The following ARHGAP42 variants were observed in gnomAD, a reference collection of about 807,000 sequenced individuals.
ARHGAP42 encodes the protein rho GTPase-activating protein 42.
A neutral mutation model predicts 125.0 loss-of-function variants in ARHGAP42; 63 were observed. That is an observed-to-expected ratio of 0.50 (90% CI 0.41 to 0.62). ARHGAP42 has a LOEUF of 0.62. ARHGAP42 is among the 20% of genes least tolerant of loss of function. The probability of loss-of-function intolerance (pLI) is 0.00; values close to 1 mark genes in which losing one functional copy is unlikely to be tolerated. For missense variants in ARHGAP42, 766 were observed against 1,024.2 expected, an observed-to-expected ratio of 0.75 and a Z score of 3.44; for synonymous variants, 339 against 351.0, an observed-to-expected ratio of 0.97 and a Z score of 0.38.
intron 4 of ARHGAP42, among the ~76,000 whole-genome samples, chr11:100,904,762 A>T (rs1203457224): frequency 6.6e-6 from 1 of 152,208 alleles, no homozygotes; most frequent in Non-Finnish European, 1.5e-5. Context: ...TTTAATTTTA[A>T]TTATCTGCTG....
At chr11:100,828,020 CT>C (rs1395457747) in intron 3 of ARHGAP42, among the ~76,000 whole-genome samples, 1 of 152,154 alleles carries the variant, frequency 6.6e-6, no homozygotes, top group African/African-American at 2.4e-5. Flanking sequence ...AGTCTCATCC[CT>C]GAGAGCAGGT....
In ARHGAP42 at chr11:100,771,603, A is replaced by T. The variant is rs1017235588; in HGVS notation, c.250+1165A>T. On this transcript the variant is annotated intron_variant, in intron 2 of 23. Coordinates refer to ENST00000298815, the MANE Select transcript of ARHGAP42 (RefSeq NM_152432.4). ...TTAATGTCTGTAGGAAACATCTGGA[A>T]TTTTTTTTTTTTTGAGACAGAGTCT... Among the ~76,000 whole-genome samples the T allele has an allele frequency of 1.8e-4, 26 of 146,342 alleles. 1 individual carries two copies. Among genetic ancestry groups the T allele is most frequent in the African/African-American group, 6.0e-4 (24 of 40,138 alleles).
chr11:100,868,135 A>G (rs1306138536), intron 4 of ARHGAP42, among the ~76,000 whole-genome samples: 1 of 152,214 alleles, frequency 6.6e-6, no homozygotes, highest in Non-Finnish European at 1.5e-5. Context: ...GAAAGTTGTG[A>G]CACAGAGACA....
chr11:100,907,337 C>T (rs943732821), intron 4 of ARHGAP42, among the ~76,000 whole-genome samples: 1 of 152,072 alleles, frequency 6.6e-6, no homozygotes, highest in African/African-American at 2.4e-5. Context: ...TCTTTCTGTC[C>T]AGTTTGTAGG....
intron 13 of ARHGAP42, 100 bp downstream of exon 13, chr11:100,960,045 T>A: frequency 9.5e-7 from 1 of 1,047,392 alleles, no homozygotes; most frequent in Non-Finnish European, 1.4e-6. Flanking sequence ...ATTTGGTCAT[T>A]AACATGGATT....
At chr11:100,946,809 A>T (rs1180869108) in intron 10 of ARHGAP42, among the ~76,000 whole-genome samples, 3 of 152,082 alleles carry the variant, frequency 2.0e-5, no homozygotes, top group Non-Finnish European at 4.4e-5. Flanking sequence ...CCAAAATGTG[A>T]TACAGAGACA....
chr11:100,807,123 C>T (rs1008204562), intron 3 of ARHGAP42, among the ~76,000 whole-genome samples: 4 of 151,928 alleles, frequency 2.6e-5, no homozygotes, highest in African/African-American at 9.7e-5. Flanking sequence ...CTGGGGATTA[C>T]AGGCATGAGG....
At chr11:100,887,336 T>C (rs1305743557) in intron 4 of ARHGAP42, among the ~76,000 whole-genome samples, 4 of 152,154 alleles carry the variant, frequency 2.6e-5, no homozygotes, top group Non-Finnish European at 5.9e-5. Context: ...TGGTTCTCTA[T>C]AGCTTCCCCT....
intron 3 of ARHGAP42, among the ~76,000 whole-genome samples, chr11:100,824,792 C>G (rs1864478354): frequency 6.6e-6 from 1 of 152,184 alleles, no homozygotes; most frequent in Non-Finnish European, 1.5e-5. Flanking sequence ...AGTTTGACAT[C>G]CAAGTTTTGA....
At chr11:100,960,813 A>T in intron 13 of ARHGAP42, 102 bp from the exon 14 acceptor site, 1 of 620,220 alleles carries the variant, frequency 1.6e-6, no homozygotes, top group Non-Finnish European at 2.6e-6. Context: ...AAATTGGATA[A>T]GTAGCTTTCA....
At chr11:100,898,625 G>A (rs972262912) in intron 4 of ARHGAP42, among the ~76,000 whole-genome samples, 1 of 152,118 alleles carries the variant, frequency 6.6e-6, no homozygotes, top group African/African-American at 2.4e-5. Context: ...TAGTTTATTT[G>A]TGTAGAGGTG....
chr11:100,913,393 G>A, intron 4 of ARHGAP42, 59 bp from the exon 5 acceptor site: 1 of 705,592 alleles, frequency 1.4e-6, no homozygotes, highest in South Asian at 1.9e-5. Context: ...AATGGTGAAA[G>A]TCGGGGTTTT....
chr11:100,704,320 C>A (rs1174949968), intron 1 of ARHGAP42, among the ~76,000 whole-genome samples: 1 of 152,130 alleles, frequency 6.6e-6, no homozygotes, highest in Non-Finnish European at 1.5e-5. Context: ...AATTAGGGAA[C>A]AAGGGACAGG....
intron 4 of ARHGAP42, among the ~76,000 whole-genome samples, chr11:100,905,758 C>T (rs1866714858): frequency 6.6e-6 from 1 of 152,102 alleles, no homozygotes; most frequent in Non-Finnish European, 1.5e-5. Flanking sequence ...GGGTGGTTCA[C>T]TTGAGGCCAG....
rs974558290 is a variant in ARHGAP42 at position 100,795,748 on chromosome 11, A to G, written c.312+582A>G. Among the ~76,000 whole-genome samples, 12 of 152,312 alleles carry G rather than the reference A, an allele frequency of 7.9e-5. 1 individual carries two copies. Among genetic ancestry groups the G allele is most frequent in the Middle Eastern group, 6.8e-3 (2 of 294 alleles). On this transcript the variant is annotated intron_variant, in intron 3 of 23. Transcript: ENST00000298815. ...TGCCCAATGTTTTCAAATATCTGTGATGTTCTCTGTTTATGATGCAATGTC... is the reference window on the plus strand; with the variant it reads ...TGCCCAATGTTTTCAAATATCTGTGGTGTTCTCTGTTTATGATGCAATGTC...
At chr11:100,760,968 G>GCTT (rs775733555) in intron 1 of ARHGAP42, among the ~76,000 whole-genome samples, 13 of 152,136 alleles carry the variant, frequency 8.5e-5, no homozygotes, top group African/African-American at 1.4e-4. Flanking sequence ...AGTTGTAAAT[G>GCTT]CTTGGCAAAC....
At chr11:100,763,075 G>T (rs565832330) in intron 1 of ARHGAP42, among the ~76,000 whole-genome samples, 1 of 146,546 alleles carries the variant, frequency 6.8e-6, no homozygotes, top group Non-Finnish European at 1.5e-5. Flanking sequence ...CTCCTCCCAG[G>T]TTCAAGCAAT....
intron 1 of ARHGAP42, among the ~76,000 whole-genome samples, chr11:100,705,024 A>C (rs1256068556): frequency 3.1e-4 from 44 of 143,684 alleles, no homozygotes; most frequent in African/African-American, 7.8e-4. Context: ...AAAAAAAAAA[A>C]AAAAAAAAAG....
chr11:100,940,913 A>T (rs1867866917), intron 8 of ARHGAP42, among the ~76,000 whole-genome samples: 1 of 152,228 alleles, frequency 6.6e-6, no homozygotes, highest in Non-Finnish European at 1.5e-5. Flanking sequence ...GCAGAGACAC[A>T]CAATAAATGG....
Sources: gnomAD v4.1 joint callset for allele counts (sites outside exome capture counted in the v4.1 genomes callset) on GRCh38, gnomAD v4.1.1 for gene constraint, MANE v1.5 for transcripts, NCBI Gene and HGNC (gene_info 2026-07-23, HGNC 2026-07-21) for gene names.